NRXN3: variants seen among roughly 807,000 people sequenced by gnomAD.
The protein encoded by NRXN3 is neurexin 3, also known as neurexin III.
Under a neutral mutation model 137.6 loss-of-function variants are expected in NRXN3, and 32 were observed. The observed-to-expected ratio is 0.23, with a 90% confidence interval of 0.18 to 0.31. NRXN3 has a LOEUF of 0.31. Among genes scored for constraint, NRXN3 ranks in the 10% least tolerant of loss-of-function variants. The pLI, the probability that NRXN3 is intolerant of heterozygous loss-of-function variation, is 1.00. For synonymous variants in NRXN3, 798 were observed against 784.5 expected (o/e 1.02, Z -0.29); for missense variants, 1,574 against 2,062.5 (o/e 0.76, Z 4.59).
chr14:78,315,942 A>G (rs1402300646), intron 4 of NRXN3, among the ~76,000 whole-genome samples: 1 of 152,182 alleles, frequency 6.6e-6, no homozygotes. Context: ...TCTTGTACGC[A>G]TAGTAACCAT....
chr14:79,791,831 G>A (rs1438185672), intron 19 of NRXN3, among the ~76,000 whole-genome samples: 1 of 152,092 alleles, frequency 6.6e-6, no homozygotes, highest in Admixed American at 6.5e-5. Context: ...GCTACCACAT[G>A]GCCACTTTTA....
intron 15 of NRXN3, among the ~76,000 whole-genome samples, chr14:79,060,603 GA>G (rs750507724): frequency 1.8e-4 from 28 of 152,064 alleles, no homozygotes; most frequent in Non-Finnish European, 3.8e-4. Context: ...GTAATATGAT[GA>G]AAAGAATTTG....
intron 4 of NRXN3, among the ~76,000 whole-genome samples, chr14:78,590,164 C>G (rs2097103986): frequency 6.6e-6 from 1 of 152,162 alleles, no homozygotes; most frequent in African/African-American, 2.4e-5. Context: ...TTGTGGTGCT[C>G]TTTGTGGTGT....
chr14:78,864,418 T>A (rs1432010968), intron 10 of NRXN3, among the ~76,000 whole-genome samples: 1 of 152,152 alleles, frequency 6.6e-6, no homozygotes, highest in South Asian at 2.1e-4. Context: ...TATGAGATAA[T>A]GCATATCCAA....
chr14:78,452,197 T>C (rs1163815757), intron 4 of NRXN3, among the ~76,000 whole-genome samples: 1 of 152,216 alleles, frequency 6.6e-6, no homozygotes, highest in Non-Finnish European at 1.5e-5. Flanking sequence ...AGAGCAAAGA[T>C]GCTGGAGCCA....
chr14:79,779,493 C>T (rs982854245), intron 19 of NRXN3, among the ~76,000 whole-genome samples: 7 of 152,142 alleles, frequency 4.6e-5, no homozygotes, highest in African/African-American at 1.7e-4. Context: ...ACCTTGTCTC[C>T]AGATCTTTGG....
intron 4 of NRXN3, among the ~76,000 whole-genome samples, chr14:78,410,024 T>C (rs950893424): frequency 1.3e-5 from 2 of 152,184 alleles, no homozygotes; most frequent in Non-Finnish European, 2.9e-5. Context: ...ATGCAGCAGC[T>C]CCAACCCTTA....
chr14:79,334,520 AGG>A lies in NRXN3; in HGVS notation c.3263-132697_3263-132696del, dbSNP rs1157351162. ...AGACAGTGAGCCCGCAGGGCAGGAC[AGG>A]GGGTAAAGTGAGGTCAAAGAGATAA... On this transcript the variant is annotated intron_variant, in intron 15 of 20. Coordinates refer to ENST00000335750, the MANE Select transcript of NRXN3 (RefSeq NM_001330195.2). Among the ~76,000 whole-genome samples the A allele has an allele frequency of 4.6e-5, 7 of 152,326 alleles. No homozygotes were observed. The South Asian group carries it at 6.2e-4, about 14-fold the overall frequency.
chr14:78,922,492 G>T (rs913889770), intron 10 of NRXN3, among the ~76,000 whole-genome samples: 2 of 152,216 alleles, frequency 1.3e-5, no homozygotes, highest in African/African-American at 4.8e-5. Context: ...AGTTTACGCT[G>T]TGTATGGGCC....
intron 15 of NRXN3, among the ~76,000 whole-genome samples, chr14:79,168,478 A>T (rs1409452713): frequency 6.6e-6 from 1 of 152,060 alleles, no homozygotes; most frequent in East Asian, 1.9e-4. Context: ...GTATTTTAAT[A>T]ACATGTTAAA....
rs556787852 is a variant in NRXN3, at chr14:78,839,919, A to C, written c.2275+29575A>C. 3.9e-5 allele frequency among the ~76,000 whole-genome samples: 6 copies of C among 152,366 alleles called. No individual in the cohort carries two copies. In the South Asian group the frequency reaches 8.3e-4, roughly 21 times the overall value. On this transcript the variant is annotated intron_variant, in intron 10 of 20. Transcript: ENST00000335750. ...GATCCAATAAGGAAAACTTGTATAA[A>C]GACTAATGTTTTTATGCTTCCTTTA... is the stretch of plus-strand genomic sequence containing the variant.
At chr14:79,437,902 T>C (rs1234982771) in intron 15 of NRXN3, among the ~76,000 whole-genome samples, 2 of 152,230 alleles carry the variant, frequency 1.3e-5, no homozygotes. Context: ...AATAAGTTCC[T>C]TTAGAATGTT....
Position 78,907,122 on chromosome 14 carries a change from A to T in NRXN3, c.2276-50120A>T, listed in dbSNP as rs950643007. ...CATATAATTATTGGCAGTTTCTTTA[A>T]TTATTTTTTTCTATTTATTTACTAT... On this transcript the variant is annotated intron_variant, in intron 10 of 20. Transcript: ENST00000335750. Among the ~76,000 whole-genome samples the T allele has an allele frequency of 5.5e-4, 83 of 152,028 alleles. 1 individual carries two copies. The highest frequency in any genetic ancestry group is 1.9e-3 in the African/African-American group (80 of 41,420).
intron 10 of NRXN3, among the ~76,000 whole-genome samples, chr14:78,927,625 C>T (rs1037954177): frequency 6.6e-6 from 1 of 152,148 alleles, no homozygotes. Flanking sequence ...GCTGCTCATG[C>T]ATTTTATGAT....
intron 1 of NRXN3, among the ~76,000 whole-genome samples, chr14:78,228,819 G>A (rs894843796): frequency 5.3e-5 from 8 of 152,144 alleles, no homozygotes; most frequent in Non-Finnish European, 1.0e-4. Flanking sequence ...TACTACAGGG[G>A]AATCTAGGGC....
chr14:78,569,323 C>T (rs7143484), intron 4 of NRXN3, among the ~76,000 whole-genome samples: 31,014 of 145,770 alleles, frequency 0.21, 5,702 homozygotes, highest in African/African-American at 0.51. Flanking sequence ...TGGAGTGCAG[C>T]AGCGTGGTCT....
At chr14:79,593,945 T>C (rs2097836530) in intron 16 of NRXN3, among the ~76,000 whole-genome samples, 1 of 152,188 alleles carries the variant, frequency 6.6e-6, no homozygotes, top group African/African-American at 2.4e-5. Flanking sequence ...GTTTTACTAG[T>C]TCAGATACAC....
intron 16 of NRXN3, among the ~76,000 whole-genome samples, chr14:79,480,208 A>G (rs914994010): frequency 1.2e-4 from 19 of 152,154 alleles, no homozygotes; most frequent in African/African-American, 4.6e-4. Context: ...TGAAAATCAC[A>G]TTTATTGAAG....
At chr14:79,747,719 C>CA (rs1198320468) in intron 19 of NRXN3, among the ~76,000 whole-genome samples, 1 of 152,006 alleles carries the variant, frequency 6.6e-6, no homozygotes, top group Non-Finnish European at 1.5e-5. Flanking sequence ...AAATGAAAAA[C>CA]AAAATCAAAG....
Sources: gnomAD v4.1 joint callset for allele counts (sites outside exome capture counted in the v4.1 genomes callset) on GRCh38, gnomAD v4.1.1 for gene constraint, MANE v1.5 for transcripts, NCBI Gene and HGNC (gene_info 2026-07-23, HGNC 2026-07-21) for gene names.